The following FOXJ3 variants were observed in gnomAD, a reference collection of about 807,000 sequenced individuals.
FOXJ3 encodes forkhead box protein J3.
A neutral mutation model predicts 76.1 loss-of-function variants in FOXJ3; 22 were observed. That is an observed-to-expected ratio of 0.29 (90% CI 0.21 to 0.41). FOXJ3 has a LOEUF of 0.41. FOXJ3 is among the 10% of genes least tolerant of loss of function. The pLI, the probability that FOXJ3 is intolerant of heterozygous loss-of-function variation, is 1.00. For synonymous variants in FOXJ3, 269 were observed against 261.2 expected (o/e 1.03, Z -0.29); for missense variants, 613 against 762.1 (o/e 0.80, Z 2.30).
intron 1 of FOXJ3, among the ~76,000 whole-genome samples, chr1:42,317,784 A>G (rs992523418): frequency 2.0e-5 from 3 of 152,190 alleles, no homozygotes; most frequent in African/African-American, 7.2e-5. Flanking sequence ...AATTAAGTAG[A>G]AAATGTAAGA....
chr1:42,270,426 C>T (rs936848474), intron 3 of FOXJ3, among the ~76,000 whole-genome samples: 8 of 152,032 alleles, frequency 5.3e-5, no homozygotes, highest in Non-Finnish European at 7.4e-5. Context: ...CAATGTTTTT[C>T]AAAGGGTAAT....
chr1:42,264,181 T>C (rs888952445), intron 4 of FOXJ3, among the ~76,000 whole-genome samples: 20 of 151,962 alleles, frequency 1.3e-4, no homozygotes, highest in African/African-American at 3.9e-4. Context: ...TCTAGACAAG[T>C]AAAGCAAGGA....
intron 4 of FOXJ3, among the ~76,000 whole-genome samples, chr1:42,262,034 TG>T (rs1343931371): frequency 1.3e-5 from 2 of 152,198 alleles, no homozygotes; most frequent in Non-Finnish European, 2.9e-5. Flanking sequence ...CCAGGTGATT[TG>T]GGGGGTGACG....
At chr1:42,302,110 T>C (rs1570203044) in intron 2 of FOXJ3, among the ~76,000 whole-genome samples, 1 of 152,212 alleles carries the variant, frequency 6.6e-6, no homozygotes, top group Non-Finnish European at 1.5e-5. Context: ...TTTTCCCAAA[T>C]GCTGGTTATA....
chr1:42,274,436 G>A (rs578110729), intron 3 of FOXJ3, among the ~76,000 whole-genome samples: 1 of 152,210 alleles, frequency 6.6e-6, no homozygotes, highest in Non-Finnish European at 1.5e-5. Flanking sequence ...AGTTTTTGCA[G>A]AATTATGCAT....
chr1:42,202,002 A>G (rs975488072), intron 6 of FOXJ3, among the ~76,000 whole-genome samples: 3 of 152,104 alleles, frequency 2.0e-5, no homozygotes, highest in Non-Finnish European at 2.9e-5. Flanking sequence ...TAAGATGTTC[A>G]TATCTATCCT....
At chr1:42,227,603 AAAG>A (rs1180267776) in intron 5 of FOXJ3, among the ~76,000 whole-genome samples, 1 of 152,242 alleles carries the variant, frequency 6.6e-6, no homozygotes, top group Non-Finnish European at 1.5e-5. Flanking sequence ...GTTGTAGAGA[AAAG>A]AATACCAAAT....
chr1:42,286,712 C>T (rs1249152050), intron 2 of FOXJ3, among the ~76,000 whole-genome samples: 2 of 152,152 alleles, frequency 1.3e-5, no homozygotes, highest in Non-Finnish European at 2.9e-5. Flanking sequence ...CAGCTCACTG[C>T]AACCTCCACC....
At chr1:42,179,997 G>A (rs898262649) in intron 12 of FOXJ3, among the ~76,000 whole-genome samples, 172 bp from the exon 13 acceptor site, 3 of 152,054 alleles carry the variant, frequency 2.0e-5, no homozygotes, top group South Asian at 2.1e-4. Context: ...AAGGGGATAC[G>A]GTTTAAGAGG....
intron 2 of FOXJ3, among the ~76,000 whole-genome samples, chr1:42,300,495 G>T (rs1302529653): frequency 6.6e-6 from 1 of 152,086 alleles, no homozygotes; most frequent in Non-Finnish European, 1.5e-5. Flanking sequence ...TTGGCCGGTG[G>T]TTGTGCACGG....
At chr1:42,190,844 C>T (rs1361747143) in intron 9 of FOXJ3, among the ~76,000 whole-genome samples, 1 of 152,186 alleles carries the variant, frequency 6.6e-6, no homozygotes, top group Non-Finnish European at 1.5e-5. Context: ...ACCCTACCCA[C>T]TTAGCAAATG....
intron 5 of FOXJ3, among the ~76,000 whole-genome samples, chr1:42,206,259 C>T (rs1646859641): frequency 1.3e-5 from 2 of 152,198 alleles, no homozygotes; most frequent in Admixed American, 1.3e-4. Context: ...TGCCTGTGGC[C>T]ATGTGACTAC....
At chr1:42,267,174 T>C (rs1408177077) in intron 3 of FOXJ3, among the ~76,000 whole-genome samples, 1 of 152,054 alleles carries the variant, frequency 6.6e-6, no homozygotes, top group East Asian at 1.9e-4. Flanking sequence ...AGACTAAGGC[T>C]GGACCAACAC....
chr1:42,252,687 C>T (rs1337157941), intron 4 of FOXJ3, among the ~76,000 whole-genome samples: 1 of 150,702 alleles, frequency 6.6e-6, no homozygotes, highest in Non-Finnish European at 1.5e-5. Flanking sequence ...TGTGTTTGCT[C>T]TTGCTTTTCT....
At chr1:42,333,266 T>C (rs1656266279) in intron 1 of FOXJ3, among the ~76,000 whole-genome samples, 1 of 151,988 alleles carries the variant, frequency 6.6e-6, no homozygotes. Flanking sequence ...ATGTCAAAAA[T>C]ATACTCAAAG....
At chr1:42,220,351 A>C (rs902226657) in intron 5 of FOXJ3, among the ~76,000 whole-genome samples, 2 of 152,186 alleles carry the variant, frequency 1.3e-5, no homozygotes, top group Admixed American at 1.3e-4. Context: ...ATGTTTTTAA[A>C]GGATTTCTTG....
chr1:42,180,209 G>C (rs1264990566), intron 12 of FOXJ3, among the ~76,000 whole-genome samples: 1 of 152,196 alleles, frequency 6.6e-6, no homozygotes, highest in African/African-American at 2.4e-5. Context: ...CATGAGAATG[G>C]TAAACAGGAT....
chr1:42,197,260 TG>T (rs1646669077), intron 7 of FOXJ3, among the ~76,000 whole-genome samples: 1 of 152,028 alleles, frequency 6.6e-6, no homozygotes, highest in African/African-American at 2.4e-5. Context: ...CCTAGCACTT[TG>T]GGAAGTCAAC....
intron 11 of FOXJ3, among the ~76,000 whole-genome samples, chr1:42,187,436 C>A (rs77260704): frequency 0.028 from 4,293 of 152,144 alleles, 204 homozygotes; most frequent in African/African-American, 0.099. Context: ...AGGTGGTACA[C>A]CTGGTCTAAG....
Sources: allele counts gnomAD v4.1 joint callset (sites outside exome capture counted in the v4.1 genomes callset), GRCh38; gene constraint gnomAD v4.1.1; transcripts MANE v1.5; gene names NCBI Gene and HGNC (gene_info 2026-07-23, HGNC 2026-07-21).